TMEM132D: variants seen among roughly 807,000 people sequenced by gnomAD.
TMEM132D encodes transmembrane protein 132D.
In TMEM132D, 21 loss-of-function variants were observed where a neutral mutation model predicts 62.3. The ratio of observed to expected loss-of-function variants is 0.34; its 90% confidence interval spans 0.24 to 0.49. The LOEUF is 0.49. Among genes scored for constraint, TMEM132D ranks in the 20% least tolerant of loss-of-function variants. The probability of loss-of-function intolerance (pLI) is 0.99; values close to 1 mark genes in which losing one functional copy is unlikely to be tolerated. For missense variants in TMEM132D, 1,346 were observed against 1,402.8 expected (o/e 0.96, Z 0.65); for synonymous variants, 621 against 575.6 (o/e 1.08, Z -1.13).
At chr12:129,844,281 A>G (rs545832625) in intron 1 of TMEM132D, among the ~76,000 whole-genome samples, 1 of 152,278 alleles carries the variant, frequency 6.6e-6, no homozygotes, top group South Asian at 2.1e-4. Context: ...GAAACAATTG[A>G]GGGAAGGGGG....
chr12:129,184,613 A>C (rs1878167285), intron 5 of TMEM132D, among the ~76,000 whole-genome samples: 1 of 152,184 alleles, frequency 6.6e-6, no homozygotes, highest in African/African-American at 2.4e-5. Flanking sequence ...GGCTATTACA[A>C]CACGAAGTTC....
At chr12:129,442,582 C>T (rs59396296) in intron 3 of TMEM132D, among the ~76,000 whole-genome samples, 8,291 of 151,696 alleles carry the variant, frequency 0.055, 751 homozygotes, top group African/African-American at 0.19. Context: ...ATTCTCCTTC[C>T]GTCTTGTCAC....
chr12:129,380,641 C>T (rs1429417517), intron 3 of TMEM132D, among the ~76,000 whole-genome samples: 1 of 152,026 alleles, frequency 6.6e-6, no homozygotes, highest in African/African-American at 2.4e-5. Context: ...TCTCCATCAC[C>T]ACAGTCGAGA....
intron 3 of TMEM132D, among the ~76,000 whole-genome samples, chr12:129,501,580 T>C (rs925839813): frequency 1.1e-4 from 17 of 152,018 alleles, no homozygotes; most frequent in Non-Finnish European, 2.4e-4. Flanking sequence ...CCACGGCTCA[T>C]TGCAACCTTG....
chr12:129,154,603 T>G (rs1298086115), intron 5 of TMEM132D, among the ~76,000 whole-genome samples: 1 of 152,230 alleles, frequency 6.6e-6, no homozygotes, highest in African/African-American at 2.4e-5. Flanking sequence ...ACGATGATAC[T>G]TATATTCCAA....
intron 1 of TMEM132D, among the ~76,000 whole-genome samples, chr12:129,704,926 G>A (rs566563298): frequency 6.6e-6 from 1 of 152,294 alleles, no homozygotes; most frequent in South Asian, 2.1e-4. Flanking sequence ...GAAAAGCAGA[G>A]CCTTTGTTGT....
At chr12:129,852,358 ACATGG>A (rs1873570863) in intron 1 of TMEM132D, 1 of 152,286 alleles carries the variant, frequency 6.6e-6, no homozygotes, top group Admixed American at 6.5e-5. Context: ...AGCCTGGGCA[ACATGG>A]CGAAACCCTG....
intron 5 of TMEM132D, among the ~76,000 whole-genome samples, chr12:129,095,268 AGGCAGGGTCTTTATAGGG>A (rs965925663): frequency 7.3e-5 from 11 of 151,714 alleles, no homozygotes; most frequent in Admixed American, 2.0e-4. Flanking sequence ...CTGTATTTGG[AGGCAGGGTCTTTATAGGG>A]GTGCTTAAGT....
intron 1 of TMEM132D, among the ~76,000 whole-genome samples, chr12:129,898,476 G>A (rs1428672066): frequency 1.3e-5 from 2 of 152,234 alleles, no homozygotes; most frequent in Non-Finnish European, 2.9e-5. Context: ...TGAAATATGG[G>A]AATGTTGGTT....
chr12:129,472,091 A>G (rs2137047664), intron 3 of TMEM132D, among the ~76,000 whole-genome samples: 1 of 152,368 alleles, frequency 6.6e-6, no homozygotes, highest in African/African-American at 2.4e-5. Flanking sequence ...ACCACCAATG[A>G]AGATGGCTAA....
chr12:129,149,058 TG>T (rs1245974172), intron 5 of TMEM132D, among the ~76,000 whole-genome samples: 3 of 151,754 alleles, frequency 2.0e-5, no homozygotes, highest in Admixed American at 6.6e-5. Context: ...TAAGAAAGAA[TG>T]AGTTCATGTC....
At chr12:129,224,723 T>C (rs1879434698) in intron 4 of TMEM132D, among the ~76,000 whole-genome samples, 1 of 152,146 alleles carries the variant, frequency 6.6e-6, no homozygotes, top group Non-Finnish European at 1.5e-5. Flanking sequence ...CTGGCCAACA[T>C]GGCAAAACCC....
At chr12:129,093,843 C>T (rs1451940532) in intron 5 of TMEM132D, among the ~76,000 whole-genome samples, 1 of 139,798 alleles carries the variant, frequency 7.2e-6, no homozygotes, top group African/African-American at 2.8e-5. Context: ...GAGATATAGA[C>T]CAATGGAACA....
At chr12:129,490,852 G>T (rs1000253960) in intron 3 of TMEM132D, among the ~76,000 whole-genome samples, 6 of 151,748 alleles carry the variant, frequency 4.0e-5, no homozygotes. Context: ...GTTAGTCTGT[G>T]CCCCCGTTTG....
At position 129,593,630 on chromosome 12, in the gene TMEM132D, C is replaced by T. The variant is rs528117202; in HGVS notation, c.969-62425G>A. On this transcript the variant is annotated intron_variant, in intron 2 of 8. Transcript: ENST00000422113. ...TGCACTTTTGGCTTTTGGGAAAGAC[C>T]GGTAATTGTCACCAAGGAATTAAGG... Among the ~76,000 whole-genome samples the T allele has an allele frequency of 1.6e-3, 236 of 152,198 alleles. 1 individual carries two copies. Among genetic ancestry groups the T allele is most frequent in the Non-Finnish European group, 2.1e-3 (140 of 68,014 alleles).
intron 1 of TMEM132D, among the ~76,000 whole-genome samples, chr12:129,855,459 G>A (rs1420818825): frequency 7.1e-4 from 8 of 11,252 alleles, no homozygotes; most frequent in African/African-American, 9.1e-4. Context: ...GAGTCCGGGG[G>A]AACGGGATGG....
chr12:129,578,742 G>C (rs878967762), intron 2 of TMEM132D, among the ~76,000 whole-genome samples: 1 of 152,102 alleles, frequency 6.6e-6, no homozygotes, highest in Admixed American at 6.5e-5. Context: ...AGAACCAAGA[G>C]TGATGAGGGC....
At chr12:129,783,664 C>A (rs1025746959) in intron 1 of TMEM132D, among the ~76,000 whole-genome samples, 1 of 152,130 alleles carries the variant, frequency 6.6e-6, no homozygotes, top group Non-Finnish European at 1.5e-5. Context: ...ATGTTCAGAA[C>A]GTCTGCACAT....
At chr12:129,732,767 G>C (rs2137253358) in intron 1 of TMEM132D, among the ~76,000 whole-genome samples, 1 of 152,278 alleles carries the variant, frequency 6.6e-6, no homozygotes, top group South Asian at 2.1e-4. Flanking sequence ...ATGTGAGAAA[G>C]GCCTAACACA....
Sources: allele counts gnomAD v4.1 joint callset (sites outside exome capture counted in the v4.1 genomes callset), GRCh38; gene constraint gnomAD v4.1.1; transcripts MANE v1.5; gene names NCBI Gene and HGNC (gene_info 2026-07-23, HGNC 2026-07-21).